Variants in OR3A2 observed in about 807,000 individuals in gnomAD.
OR3A2 encodes olfactory receptor family 3 subfamily A member 2, also known as olfactory receptor 3A2.
For synonymous variants in OR3A2, 126 were observed against 159.3 expected (o/e 0.79, Z 1.57); for missense variants, 318 against 392.8 (o/e 0.81, Z 1.61).
chr17:3,335,835 G>A (rs898837354), intron 3 of OR3A2, among the ~76,000 whole-genome samples, 194 bp downstream of exon 2: 1 of 152,136 alleles, frequency 6.6e-6, no homozygotes, highest in Non-Finnish European at 1.5e-5. Flanking sequence ...TACACCACCT[G>A]GCTTCTCTCA....
At chr17:3,304,116 T>A (rs139326334) in intron 3 of OR3A2, among the ~76,000 whole-genome samples, 149 of 152,036 alleles carry the variant, frequency 9.8e-4, no homozygotes, top group African/African-American at 3.5e-3. Flanking sequence ...GACAACACTC[T>A]TTGTAGGACT....
intron 1 of OR3A2, among the ~76,000 whole-genome samples, chr17:3,280,563 C>T (rs921865571): frequency 1.2e-4 from 19 of 152,298 alleles, no homozygotes; most frequent in East Asian, 9.6e-4. Context: ...TGAGGCACTG[C>T]GCCCAGCCCA....
chr17:3,379,489 C>T (rs562515519), intron 2 of OR3A2, among the ~76,000 whole-genome samples: 2 of 152,290 alleles, frequency 1.3e-5, no homozygotes, highest in Admixed American at 1.3e-4. Context: ...TCGGCTGCCA[C>T]GATCCCTGAA....
chr17:3,311,259 C>A lies in OR3A2; in HGVS notation c.-85+24774G>T. On this transcript the variant is annotated intron_variant, in intron 3 of 4. Coordinates refer to the OR3A2 transcript ENST00000573491. This position sits in a 1 kb window ranked among gnomAD's most constrained non-coding sequence, Gnocchi z 4.6. ...CGATGCTGGCGTGTCTCCAGGCCCA[C>A]CAGTGCAGAGTTCCCTATGCTGCCT... 1.9e-6 allele frequency: 1 copy of A among 535,576 alleles called. No individual in the cohort carries two copies. Among genetic ancestry groups the A allele is most frequent in the Non-Finnish European group, 3.8e-6 (1 of 260,676 alleles). 33.2% of individuals were successfully genotyped at this position (535,576 alleles called of 1,614,324 possible). A position where few individuals can be genotyped will look rare whatever the true frequency, so the allele number is the denominator to read the frequency against.
At chr17:3,375,121 C>A (rs1192601448) in intron 2 of OR3A2, among the ~76,000 whole-genome samples, 1 of 85,460 alleles carries the variant, frequency 1.2e-5, no homozygotes, top group African/African-American at 4.3e-5. Flanking sequence ...CTTTATCTGG[C>A]AATTCAGAGC....
At chr17:3,310,457 G>A in intron 3 of OR3A2, 1 of 535,636 alleles carries the variant, frequency 1.9e-6, no homozygotes, top group South Asian at 1.4e-5. Flanking sequence ...TCAGCATCCT[G>A]GCGGCCATCC....
intron 2 of OR3A2, among the ~76,000 whole-genome samples, chr17:3,370,338 A>T (rs573435464): frequency 6.6e-6 from 1 of 152,198 alleles, no homozygotes; most frequent in African/African-American, 2.4e-5. Flanking sequence ...GCCTTGAATG[A>T]TCTTTTGTAT....
At chr17:3,363,901 C>T (rs1006016436) in intron 2 of OR3A2, among the ~76,000 whole-genome samples, 1 of 152,120 alleles carries the variant, frequency 6.6e-6, no homozygotes, top group Non-Finnish European at 1.5e-5. Context: ...GGAAGTGCTA[C>T]ACATTTTTAA....
At chr17:3,385,735 T>C (rs529434772) in intron 1 of OR3A2, among the ~76,000 whole-genome samples, 1 of 152,320 alleles carries the variant, frequency 6.6e-6, no homozygotes, top group Non-Finnish European at 1.5e-5. Flanking sequence ...AGATTCCGTT[T>C]CTTCATAAAA....
chr17:3,278,433 T>A (rs1295174263), exon 2 of OR3A2: 1 of 1,614,174 alleles, frequency 6.2e-7, no homozygotes, highest in Non-Finnish European at 8.5e-7. Flanking sequence ...GGCCACAGTG[T>A]GGGTCAGTGC....
At chr17:3,329,358 G>A (rs375187012) in intron 3 of OR3A2, among the ~76,000 whole-genome samples, 22,475 of 149,632 alleles carry the variant, frequency 0.15, 2,240 homozygotes, top group African/African-American at 0.28. Flanking sequence ...TTTTTGGTTG[G>A]TAAACTATTG....
At chr17:3,310,293 T>C (rs545980605) in intron 3 of OR3A2, 30 of 526,962 alleles carry the variant, frequency 5.7e-5, no homozygotes, top group East Asian at 5.5e-4. Context: ...CTCAGTCCAC[T>C]GCTAGTGGAA....
chr17:3,308,086 GC>G (rs919699356), intron 3 of OR3A2, among the ~76,000 whole-genome samples: 1 of 152,136 alleles, frequency 6.6e-6, no homozygotes, highest in African/African-American at 2.4e-5. Flanking sequence ...AATGAATTTT[GC>G]CATATTGAAG....
intron 3 of OR3A2, chr17:3,292,420 C>CCA: frequency 6.2e-7 from 1 of 1,613,972 alleles, no homozygotes; most frequent in South Asian, 1.1e-5. Flanking sequence ...AGTTTGGGCT[C>CCA]CACCAAGACA....
At chr17:3,291,905 A>G (rs775608231) in intron 3 of OR3A2, 2 of 1,614,250 alleles carry the variant, frequency 1.2e-6, no homozygotes, top group South Asian at 2.2e-5. Context: ...GCAGGACTGC[A>G]GCTGCCACGT....
At chr17:3,359,874 T>C (rs1395397097) in intron 2 of OR3A2, among the ~76,000 whole-genome samples, 1 of 151,824 alleles carries the variant, frequency 6.6e-6, no homozygotes, top group Non-Finnish European at 1.5e-5. Flanking sequence ...AGTGCCGCAA[T>C]AAACATATGT....
At chr17:3,353,644 T>C (rs1248413252) in intron 2 of OR3A2, among the ~76,000 whole-genome samples, 2 of 151,946 alleles carry the variant, frequency 1.3e-5, no homozygotes, top group Admixed American at 6.6e-5. Flanking sequence ...TCTGTTGATA[T>C]GATGCATCAC....
At chr17:3,348,689 G>C (rs1407641557) in intron 2 of OR3A2, among the ~76,000 whole-genome samples, 1 of 151,958 alleles carries the variant, frequency 6.6e-6, no homozygotes, top group African/African-American at 2.4e-5. Context: ...ACACCACAAA[G>C]ATACTCCTCG....
At chr17:3,358,283 C>T (rs2049479851) in intron 2 of OR3A2, among the ~76,000 whole-genome samples, 1 of 151,680 alleles carries the variant, frequency 6.6e-6, no homozygotes, top group African/African-American at 2.4e-5. Context: ...CCCCTCAGTT[C>T]AGTTCTGATT....
Sources: gnomAD v4.1 joint callset for allele counts (sites outside exome capture counted in the v4.1 genomes callset) on GRCh38, gnomAD v4.1.1 for gene constraint, Gnocchi (gnomAD v3.1) non-coding constraint, MANE v1.5 for transcripts, NCBI Gene and HGNC (gene_info 2026-07-23, HGNC 2026-07-21) for gene names.